PISD: variants seen among roughly 807,000 people sequenced by gnomAD.
The protein encoded by PISD is phosphatidylserine decarboxylase, also known as phosphatidylserine decarboxylase proenzyme, mitochondrial.
In PISD, 31 loss-of-function variants were observed where a neutral mutation model predicts 43.5. The observed-to-expected ratio is 0.71, with a 90% CI of 0.54 to 0.96. The LOEUF is 0.96. PISD is among the 40% of genes least tolerant of loss of function. The pLI, the probability that PISD is intolerant of heterozygous loss-of-function variation, is 0.00. For synonymous variants in PISD, 259 were observed against 228.7 expected (o/e 1.13, Z -1.20); for missense variants, 523 against 548.4 (o/e 0.95, Z 0.46).
At chr22:31,648,362 G>C in intron 2 of PISD, 86 bp from the exon 3 acceptor site, 1 of 1,227,544 alleles carries the variant, frequency 8.1e-7, no homozygotes, top group South Asian at 1.4e-5. Context: ...GGAGGGTCAG[G>C]AAAAGTCAGC....
chr22:31,618,604 T>G lies in PISD; in HGVS notation c.*1008A>C, dbSNP rs2072255779. 1.2e-5 allele frequency: 6 copies of G among 521,048 alleles called. No homozygotes were observed. The highest frequency in any genetic ancestry group is 1.9e-5 in the Non-Finnish European group (6 of 323,862). 32.3% of individuals were successfully genotyped at this position (521,048 alleles called of 1,614,324 possible). On this transcript the variant is annotated 3_prime_UTR_variant, in exon 8 of 8. Transcript: ENST00000439502. The stretch of plus-strand genomic sequence containing the variant: ...GTGCTACTGATACAGTTGAAAAAAT[T>G]CAATGATGTCTCTCCTGCAGGAGAA...
chr22:31,624,679 A>ACC lies in PISD; in HGVS notation c.322-2796_322-2795dup, dbSNP rs1556412839. Among the ~76,000 whole-genome samples, 993 of 145,836 alleles carry ACC rather than the reference A, an allele frequency of 6.8e-3. 19 individuals are homozygous for ACC. Among genetic ancestry groups the ACC allele is most frequent in the African/African-American group, 0.024 (929 of 39,116 alleles). The stretch of plus-strand genomic sequence containing the variant: ...GACACACACACACACACACACACAC[A>ACC]CCCATCCCAAGCCCCTCCTTTCAGC... On this transcript the variant is annotated intron_variant, in intron 3 of 7. Transcript: ENST00000439502.
Position 31,648,268 on chromosome 22 carries a change from T to C in PISD, c.154A>G (p.Lys52Glu). ...GTTCGGGCAGGGGCAGTGTGGATTTTTCTGGCATCTGTAATAAAAAACAGG... is the reference window on the plus strand; with the variant it reads ...GTTCGGGCAGGGGCAGTGTGGATTTCTCTGGCATCTGTAATAAAAAACAGG... ...PFRAFRTDAR[K>E]IHTAPARTMF... The change falls in exon 3 of 8, where the codon AAA becomes GAA. Residue 52 changes from lysine to glutamate, a missense_variant. By Grantham distance (56) the Lys-to-Glu change is moderately conservative. Transcript: ENST00000439502. 1 of 1,605,640 alleles carries C rather than the reference T, an allele frequency of 6.2e-7. No individual in the cohort carries two copies. The highest frequency in any genetic ancestry group is 1.1e-5 in the South Asian group (1 of 89,808).
intron 1 of PISD, among the ~76,000 whole-genome samples, chr22:31,661,232 CCT>C (rs1382375217): frequency 6.6e-6 from 1 of 152,096 alleles, no homozygotes; most frequent in East Asian, 1.9e-4. Context: ...GTTTCTGTTC[CCT>C]CTCAGTCCAA....
intron 2 of PISD, among the ~76,000 whole-genome samples, chr22:31,650,270 G>A (rs892466390): frequency 6.6e-6 from 1 of 152,032 alleles, no homozygotes; most frequent in African/African-American, 2.4e-5. Flanking sequence ...TTGAGGCCAG[G>A]AGTTTGAGAC....
chr22:31,632,537 G>A (rs539194630), intron 3 of PISD, among the ~76,000 whole-genome samples: 2 of 152,252 alleles, frequency 1.3e-5, no homozygotes, highest in South Asian at 4.1e-4. Context: ...ATGTCTGCAT[G>A]GGTGTTCTCT....
rs553729321 is a variant in PISD at position 31,624,828 on chromosome 22, T to G, written c.322-2943A>C. Among the ~76,000 whole-genome samples the G allele has an allele frequency of 2.0e-5, 3 of 150,704 alleles. No homozygotes were observed. The South Asian group carries it at 6.3e-4, about 32-fold the overall frequency. On this transcript the variant is annotated intron_variant, in intron 3 of 7. Transcript: ENST00000439502. ...CCTCTCCCCACCCTCCCAGCACAAA[T>G]GCAGGGCACTCAGCAGGGGCTCAGC...
rs1320051879 is a variant in PISD at position 31,637,141 on chromosome 22, ATT to A, written c.321+10958_321+10959del. ...TACAAAAAAAAATAATAATAAATAA[ATT>A]AAAAAAAAAAAAAAAAAAAAAATAT... is the stretch of plus-strand genomic sequence containing the variant. On this transcript the variant is annotated intron_variant, in intron 3 of 7. Coordinates refer to ENST00000439502, the MANE Select transcript of PISD (RefSeq NM_001326411.2). Among the ~76,000 whole-genome samples, 70 of 29,434 alleles carry A rather than the reference ATT, an allele frequency of 2.4e-3. 2 individuals carry two copies. Among genetic ancestry groups the A allele is most frequent in the African/African-American group, 7.8e-3 (61 of 7,816 alleles). 19.3% of individuals were successfully genotyped at this position (29,434 alleles called of 152,430 possible). A position where few individuals can be genotyped will look rare whatever the true frequency, so the allele number is the denominator to read the frequency against.
At chr22:31,626,939 G>A (rs9619214) in intron 3 of PISD, among the ~76,000 whole-genome samples, 2,223 of 152,336 alleles carry the variant, frequency 0.015, 52 homozygotes, top group African/African-American at 0.05. Flanking sequence ...GGCCCCAAGA[G>A]CTGCCATCTA....
At chr22:31,648,013 T>A in intron 3 of PISD, 88 bp downstream of exon 3, 1 of 1,186,722 alleles carries the variant, frequency 8.4e-7, no homozygotes, top group Non-Finnish European at 1.2e-6. Context: ...ATTTGACTTG[T>A]TCAAACATTT....
At chr22:31,645,405 C>CAAAT (rs1205424122) in intron 3 of PISD, among the ~76,000 whole-genome samples, 1 of 151,774 alleles carries the variant, frequency 6.6e-6, no homozygotes, top group Non-Finnish European at 1.5e-5. Context: ...GGCCCTGCCT[C>CAAAT]AAATAAATAA....
chr22:31,638,589 G>A, intron 3 of PISD: 1 of 985,394 alleles, frequency 1.0e-6, no homozygotes, highest in East Asian at 1.1e-4. Flanking sequence ...CCTCCCCTCA[G>A]AGATCTGCCC....
chr22:31,630,179 G>A lies in PISD; in HGVS notation c.322-8294C>T, dbSNP rs946262727. Among the ~76,000 whole-genome samples the A allele has an allele frequency of 3.9e-5, 6 of 152,058 alleles. No homozygotes were observed. The highest frequency in any genetic ancestry group is 1.4e-4 in the African/African-American group (6 of 41,394). ...CGACATGGACCAGAGTCAGTGGCAG[G>A]CAGCCCAGGAGGCCCTGGGAAGAGG... On this transcript the variant is annotated intron_variant, in intron 3 of 7. Transcript: ENST00000439502. This position sits in a 1 kb window ranked among gnomAD's most constrained non-coding sequence, Gnocchi z 4.4.
rs1407042283 is a variant in PISD at position 31,630,827 on chromosome 22, G to C, written c.322-8942C>G. On this transcript the variant is annotated intron_variant, in intron 3 of 7. Transcript: ENST00000439502. The surrounding 1 kb of genome is among the most constrained non-coding windows in gnomAD (Gnocchi z 4.4). ...ACCCGCAGGTGGCTCCAGCTTCCGG[G>C]CTCCGACTCCCTAGGGGCGCTCCCG... The C allele has an allele frequency of 1.0e-4, 101 of 985,388 alleles. No homozygotes were observed. Among genetic ancestry groups the C allele is most frequent in the Non-Finnish European group, 1.2e-4 (100 of 829,992 alleles). The allele number at this position is 985,388 out of a possible 1,614,324, so 61.0% of individuals were successfully genotyped here. A position where few individuals can be genotyped will look rare whatever the true frequency, so the allele number is the denominator to read the frequency against.
In PISD at chr22:31,630,720, C is replaced by G. The variant is rs1227273750; in HGVS notation, c.322-8835G>C. The G allele has an allele frequency of 1.0e-6, 1 of 985,296 alleles. No individual in the cohort carries two copies. The highest frequency in any genetic ancestry group is 1.2e-6 in the Non-Finnish European group (1 of 829,898). The allele number at this position is 985,296 out of a possible 1,614,324, so 61.0% of individuals were successfully genotyped here. A position where few individuals can be genotyped will look rare whatever the true frequency, so the allele number is the denominator to read the frequency against. ...AGGGCACCCCCACCCGGCACTGGCC[C>G]TCTGAGCGGGCAGGGTGGGGCGCCT... On this transcript the variant is annotated intron_variant, in intron 3 of 7. Coordinates refer to ENST00000439502, the MANE Select transcript of PISD (RefSeq NM_001326411.2). This position sits in a 1 kb window ranked among gnomAD's most constrained non-coding sequence, Gnocchi z 4.4.
intron 3 of PISD, chr22:31,628,746 T>A: frequency 1.2e-6 from 1 of 815,974 alleles, no homozygotes; most frequent in Non-Finnish European, 1.5e-6. Flanking sequence ...GGCCACCCCC[T>A]TGAGGCTCAG....
chr22:31,625,250 CTT>C (rs1380340324), intron 3 of PISD, among the ~76,000 whole-genome samples: 2 of 152,202 alleles, frequency 1.3e-5, no homozygotes, highest in African/African-American at 2.4e-5. Context: ...CGGGTGCCTA[CTT>C]TCTCTCCCAT....
At chr22:31,642,873 C>T (rs1181776501) in intron 3 of PISD, among the ~76,000 whole-genome samples, 3 of 151,198 alleles carry the variant, frequency 2.0e-5, no homozygotes, top group Admixed American at 6.6e-5. Context: ...GAGGCTGAGG[C>T]GGGCGGATCA....
At chr22:31,644,242 C>CTTT (rs571185716) in intron 3 of PISD, among the ~76,000 whole-genome samples, 3,207 of 139,166 alleles carry the variant, frequency 0.023, 41 homozygotes, top group Non-Finnish European at 0.036. Flanking sequence ...ATAATTTTTT[C>CTTT]TTTTTTTTTT....
Sources: gnomAD v4.1 joint callset for allele counts (sites outside exome capture counted in the v4.1 genomes callset) on GRCh38, gnomAD v4.1.1 for gene constraint, Gnocchi (gnomAD v3.1) non-coding constraint, MANE v1.5 for transcripts, NCBI Gene and HGNC (gene_info 2026-07-23, HGNC 2026-07-21) for gene names.